The following TBX19 variants were observed in gnomAD, a reference collection of about 807,000 sequenced individuals.
TBX19 encodes T-box transcription factor 19.
A neutral mutation model predicts 40.9 loss-of-function variants in TBX19; 33 were observed. The observed-to-expected ratio is 0.81, with a 90% CI of 0.61 to 1.08. TBX19 has a LOEUF of 1.08. Ranked by LOEUF, TBX19 falls within the 50% of genes least tolerant of loss-of-function variation. The probability of loss-of-function intolerance (pLI) is 0.00; values close to 1 mark genes in which losing one functional copy is unlikely to be tolerated. For synonymous variants in TBX19, 220 were observed against 225.0 expected (o/e 0.98, Z 0.20); for missense variants, 494 against 574.0 (o/e 0.86, Z 1.42).
intron 1 of TBX19, among the ~76,000 whole-genome samples, chr1:168,290,419 G>T (rs17561193): frequency 0.036 from 5,430 of 152,302 alleles, 150 homozygotes; most frequent in Non-Finnish European, 0.055. Context: ...GGGTGTGCAC[G>T]TCCCCACGCT....
At chr1:168,308,290 T>C (rs546367677) in intron 6 of TBX19, 48 of 203,470 alleles carry the variant, frequency 2.4e-4, no homozygotes, top group African/African-American at 1.1e-3. Flanking sequence ...CAAAAGGCAC[T>C]GTGCTTGAGA....
intron 2 of TBX19, among the ~76,000 whole-genome samples, chr1:168,292,619 C>T (rs771954139): frequency 3.3e-5 from 5 of 152,124 alleles, no homozygotes; most frequent in Non-Finnish European, 7.4e-5. Flanking sequence ...AATCCCAGCA[C>T]TTTGGGAGGC....
intron 5 of TBX19, among the ~76,000 whole-genome samples, chr1:168,304,792 G>C (rs1447286886): frequency 6.6e-6 from 1 of 152,218 alleles, no homozygotes; most frequent in Admixed American, 6.5e-5. Context: ...GCAGTTTCAG[G>C]ACTGGTCATG....
In TBX19 at chr1:168,297,115, C is replaced by T. The variant is rs7533627; in HGVS notation, c.604-609C>T. ...CTATCACGATCACTATCTATCTATA[C>T]GTCAGATGTCTCTAATGAGAAATGA... On this transcript the variant is annotated intron_variant, in intron 3 of 7. Coordinates refer to ENST00000367821, the MANE Select transcript of TBX19 (RefSeq NM_005149.3). Among the ~76,000 whole-genome samples, 828 of 152,164 alleles carry T rather than the reference C, an allele frequency of 5.4e-3. 10 individuals are homozygous for T. The highest frequency in any genetic ancestry group is 0.019 in the African/African-American group (778 of 41,450).
At position 168,312,939 on chromosome 1, in the gene TBX19, C is replaced by T. The variant is rs756958676; in HGVS notation, c.1284C>T (p.Pro428=). The part of the protein sequence containing the change: ...VSTWTAVASH[P]FAGWGGPGAG... The stretch of plus-strand genomic sequence containing the variant: ...CCTGGACAGCAGTGGCCTCGCATCC[C>T]TTCGCGGGCTGGGGTGGCCCAGGAG... The change falls in exon 8 of 8, where the codon CCC becomes CCT. Residue 428 remains proline, a synonymous_variant. Transcript: ENST00000367821. The T allele has an allele frequency of 4.3e-6, 7 of 1,614,256 alleles. No homozygotes were observed. The South Asian group carries it at 7.7e-5, about 18-fold the overall frequency.
intron 5 of TBX19, among the ~76,000 whole-genome samples, chr1:168,303,404 G>A (rs866559795): frequency 3.9e-5 from 6 of 152,186 alleles, no homozygotes; most frequent in Non-Finnish European, 8.8e-5. Flanking sequence ...TTCCAGTGTT[G>A]CTTTAGAGGT....
intron 1 of TBX19, among the ~76,000 whole-genome samples, chr1:168,287,267 G>C (rs12758597): frequency 0.49 from 74,556 of 152,006 alleles, 20,481 homozygotes; most frequent in Non-Finnish European, 0.63. Context: ...TAAATCTAAG[G>C]GCCATTGTAC....
At chr1:168,305,246 C>T in intron 6 of TBX19, 50 bp downstream of exon 6, 1 of 1,576,874 alleles carries the variant, frequency 6.3e-7, no homozygotes, top group South Asian at 1.1e-5. Context: ...GGGGTGGGGG[C>T]AGTCAGGAGA....
intron 4 of TBX19, 93 bp downstream of exon 4, chr1:168,297,878 G>T: frequency 8.9e-7 from 1 of 1,118,082 alleles, no homozygotes; most frequent in Non-Finnish European, 1.3e-6. Context: ...AACTAGACTA[G>T]TAGCACTTTC....
chr1:168,297,407 G>A (rs536486089), intron 3 of TBX19, among the ~76,000 whole-genome samples: 23 of 152,300 alleles, frequency 1.5e-4, no homozygotes, highest in Admixed American at 5.2e-4. Flanking sequence ...GCTAGGTTTC[G>A]CACATCAGGG....
At chr1:168,297,621 A>G in intron 3 of TBX19, 103 bp from the exon 4 acceptor site, 1 of 1,028,484 alleles carries the variant, frequency 9.7e-7, no homozygotes, top group South Asian at 1.3e-5. Context: ...GGGAAAGGGA[A>G]GGAAAAGAGA....
intron 2 of TBX19, among the ~76,000 whole-genome samples, chr1:168,292,440 T>TTA (rs1648962770): frequency 6.6e-6 from 1 of 152,190 alleles, no homozygotes; most frequent in Non-Finnish European, 1.5e-5. Flanking sequence ...GCATTTTGAG[T>TTA]TATTAGGATT....
intron 1 of TBX19, among the ~76,000 whole-genome samples, chr1:168,286,446 C>G (rs547294383): frequency 4.5e-4 from 69 of 152,342 alleles, no homozygotes; most frequent in African/African-American, 1.6e-3. Flanking sequence ...TTACCTATTT[C>G]ATATCATGGA....
chr1:168,283,882 T>C (rs547927741), intron 1 of TBX19, among the ~76,000 whole-genome samples: 55 of 152,316 alleles, frequency 3.6e-4, no homozygotes, highest in Admixed American at 2.7e-3. Context: ...TGCACTAAAA[T>C]AGCAAATCTT....
At chr1:168,299,893 A>G (rs1649232330) in intron 4 of TBX19, among the ~76,000 whole-genome samples, 1 of 152,232 alleles carries the variant, frequency 6.6e-6, no homozygotes, top group African/African-American at 2.4e-5. Context: ...AAGTGACAGT[A>G]GCATGGTATA....
intron 3 of TBX19, 82 bp downstream of exon 3, chr1:168,293,360 G>T: frequency 1.4e-6 from 2 of 1,422,116 alleles, no homozygotes; most frequent in Non-Finnish European, 1.9e-6. Flanking sequence ...CAGGATGGGC[G>T]GGGGGGGTCC....
rs763093692 is a variant in TBX19 at position 168,312,729 on chromosome 1, C to T, written c.1074C>T (p.Thr358=). 2 of 1,613,580 alleles carry T rather than the reference C, an allele frequency of 1.2e-6. No homozygotes were observed. Among genetic ancestry groups the T allele is most frequent in the African/African-American group, 1.3e-5 (1 of 74,942 alleles). Residue 358 remains threonine (T), a synonymous_variant, in exon 8 of 8, where the codon ACC becomes ACT. Transcript: ENST00000367821. ...PGPSPYPCLW[T]ISNGAGGPSG... ...GCAGCCCCTACCCGTGCCTGTGGAC[C>T]ATCAGCAATGGTGCCGGAGGCCCCA...
At chr1:168,303,540 C>G (rs994077145) in intron 5 of TBX19, among the ~76,000 whole-genome samples, 1 of 152,098 alleles carries the variant, frequency 6.6e-6, no homozygotes, top group African/African-American at 2.4e-5. Context: ...GGTTCTTGGA[C>G]CTCATGCAAG....
At chr1:168,285,913 A>G (rs1358767147) in intron 1 of TBX19, among the ~76,000 whole-genome samples, 2 of 152,144 alleles carry the variant, frequency 1.3e-5, no homozygotes, top group East Asian at 1.9e-4. Flanking sequence ...AAGAGGGGAA[A>G]GTGGGGTGGG....
Sources: allele counts gnomAD v4.1 joint callset (sites outside exome capture counted in the v4.1 genomes callset), GRCh38; gene constraint gnomAD v4.1.1; transcripts MANE v1.5; gene names NCBI Gene and HGNC (gene_info 2026-07-23, HGNC 2026-07-21).